The following SNCB variants were observed in gnomAD, a reference collection of about 807,000 sequenced individuals.
SNCB encodes the protein synuclein beta, also known as beta-synuclein.
In SNCB, 8 loss-of-function variants were observed where a neutral mutation model predicts 20.0. That is an observed-to-expected ratio of 0.40 (90% confidence interval 0.24 to 0.72). The LOEUF (loss-of-function observed/expected upper bound fraction) is 0.72. Ranked by LOEUF, SNCB falls within the 30% of genes least tolerant of loss-of-function variation. The pLI, the probability that SNCB is intolerant of heterozygous loss-of-function variation, is 0.37. For missense variants in SNCB, 125 were observed against 168.0 expected, an observed-to-expected ratio of 0.74 and a Z score of 1.41; for synonymous variants, 56 against 65.4, an observed-to-expected ratio of 0.86 and a Z score of 0.69.
At position 176,629,413 on chromosome 5, in the gene SNCB, C is replaced by T; in HGVS notation, c.121+121G>A. On this transcript the variant is annotated intron_variant, in intron 2 of 5. Coordinates refer to ENST00000393693, the MANE Select transcript of SNCB (RefSeq NM_003085.5). This position sits in a 1 kb window ranked among gnomAD's most constrained non-coding sequence, Gnocchi z 4.1. ...TGTCCCCTATGACCCCTGCTGACCT[C>T]GCCCCATCTGCTGACTCATATTCTC... 2.8e-6 allele frequency: 3 copies of T among 1,090,814 alleles called. No homozygotes were observed. The highest frequency in any genetic ancestry group is 2.7e-6 in the Non-Finnish European group (2 of 744,256). 67.6% of individuals were successfully genotyped at this position (1,090,814 alleles called of 1,614,324 possible).
Position 176,629,919 on chromosome 5 carries a change from C to T in SNCB, c.-9-256G>A. ...TTATCCGGGCCCTGCAAACTGCAGC[C>T]CCGTCGAACCGGAGTGCTGGGTTCG... On this transcript the variant is annotated intron_variant, in intron 1 of 5. Transcript: ENST00000393693. The surrounding 1 kb of genome is among the most constrained non-coding windows in gnomAD (Gnocchi z 4.1). 2.2e-6 allele frequency: 1 copy of T among 454,754 alleles called. No homozygotes were observed. The highest frequency in any genetic ancestry group is 3.9e-6 in the Non-Finnish European group (1 of 254,190). The allele number at this position is 454,754 out of a possible 1,614,324, so 28.2% of individuals were successfully genotyped here. A position where few individuals can be genotyped will look rare whatever the true frequency, so the allele number is the denominator to read the frequency against.
intron 2 of SNCB, among the ~76,000 whole-genome samples, chr5:176,627,769 A>G (rs1760067878): frequency 6.6e-6 from 1 of 152,230 alleles, no homozygotes; most frequent in Non-Finnish European, 1.5e-5. Flanking sequence ...CACTCCTCCC[A>G]CAAAACATCA....
At chr5:176,622,079 T>C (rs889423052) in intron 4 of SNCB, among the ~76,000 whole-genome samples, 5 of 152,196 alleles carry the variant, frequency 3.3e-5, no homozygotes, top group Non-Finnish European at 5.9e-5. Context: ...TCCCGGAGCA[T>C]TGGTGCTGGG....
rs1003798072 is a variant in SNCB, at chr5:176,629,864, C to T, written c.-9-201G>A. 45 of 654,182 alleles carry T rather than the reference C, an allele frequency of 6.9e-5. No individual in the cohort carries two copies. Among genetic ancestry groups the T allele is most frequent in the Non-Finnish European group, 1.0e-4 (43 of 418,218 alleles). The allele number at this position is 654,182 out of a possible 1,614,324, so 40.5% of individuals were successfully genotyped here. ...CGGAGAGTCCTAGCGTCCTTGAAAC[C>T]TGGGGACGCGGGAGGGGCCACTGCC... is the stretch of plus-strand genomic sequence containing the variant. On this transcript the variant is annotated intron_variant, in intron 1 of 5. Transcript: ENST00000393693. The surrounding 1 kb of genome is among the most constrained non-coding windows in gnomAD (Gnocchi z 4.1).
intron 4 of SNCB, among the ~76,000 whole-genome samples, chr5:176,623,351 C>T (rs1280919719): frequency 6.6e-6 from 1 of 152,120 alleles, no homozygotes; most frequent in Admixed American, 6.5e-5. Context: ...TGTGGCACTG[C>T]ACTCCAGCCT....
Position 176,624,072 on chromosome 5 carries a change from A to G in SNCB, c.282+2326T>C, listed in dbSNP as rs200833908. Among the ~76,000 whole-genome samples, 20 of 152,324 alleles carry G rather than the reference A, an allele frequency of 1.3e-4. No individual in the cohort carries two copies. The East Asian group carries it at 3.9e-3, about 29-fold the overall frequency. ...GGGCTGTTGTCTGTGTTATAACTCT[A>G]TGATCTTGGGCTCCCTTGGGAGGGT... On this transcript the variant is annotated intron_variant, in intron 4 of 5. Transcript: ENST00000393693.
chr5:176,625,652 G>A (rs906299938), intron 4 of SNCB, among the ~76,000 whole-genome samples: 21 of 152,128 alleles, frequency 1.4e-4, no homozygotes, highest in South Asian at 2.1e-4. Context: ...CTGTCTCCAT[G>A]CACACATGAG....
intron 4 of SNCB, among the ~76,000 whole-genome samples, chr5:176,622,303 A>G (rs1759652084): frequency 6.6e-6 from 1 of 152,108 alleles, no homozygotes; most frequent in South Asian, 2.1e-4. Context: ...TATGACCAGA[A>G]CCCAGGGATG....
chr5:176,629,455 T>A lies in SNCB; in HGVS notation c.121+79A>T. The A allele has an allele frequency of 6.7e-7, 1 of 1,498,696 alleles. No homozygotes were observed. The highest frequency in any genetic ancestry group is 9.1e-7 in the Non-Finnish European group (1 of 1,093,696). The allele number at this position is 1,498,696 out of a possible 1,614,324, so 92.8% of individuals were successfully genotyped here. On this transcript the variant is annotated intron_variant, in intron 2 of 5. Coordinates refer to ENST00000393693, the MANE Select transcript of SNCB (RefSeq NM_003085.5). The surrounding 1 kb of genome is among the most constrained non-coding windows in gnomAD (Gnocchi z 4.1). ...CATATTCTCCTGCCCAGAACCCCCC[T>A]CCCCGGGACCCGGCCCCAGCTCCAC...
At chr5:176,624,934 T>C (rs1163712492) in intron 4 of SNCB, among the ~76,000 whole-genome samples, 1 of 150,718 alleles carries the variant, frequency 6.6e-6, no homozygotes, top group Non-Finnish European at 1.5e-5. Context: ...CTGTGCAAAA[T>C]GACAGGAGTG....
At chr5:176,625,491 A>T (rs1409825863) in intron 4 of SNCB, among the ~76,000 whole-genome samples, 1 of 152,234 alleles carries the variant, frequency 6.6e-6, no homozygotes, top group Non-Finnish European at 1.5e-5. Flanking sequence ...CAAGTGAACT[A>T]TCAAGTTCAG....
At position 176,626,895 on chromosome 5, in the gene SNCB, C is replaced by T; in HGVS notation, c.122-134G>A. 1 of 887,378 alleles carries T rather than the reference C, an allele frequency of 1.1e-6. No homozygotes were observed. Among genetic ancestry groups the T allele is most frequent in the East Asian group, 2.5e-5 (1 of 40,684 alleles). 55.0% of individuals were successfully genotyped at this position (887,378 alleles called of 1,614,324 possible). ...TTGGGTCCCCACATCCTACAACCTG[C>T]ACCCCCATGTTAACCCCCGTCTTAT... is the stretch of plus-strand genomic sequence containing the variant. On this transcript the variant is annotated intron_variant, in intron 2 of 5. Transcript: ENST00000393693. The surrounding 1 kb of genome is among the most constrained non-coding windows in gnomAD (Gnocchi z 4.2).
Position 176,629,274 on chromosome 5 carries a change from G to A in SNCB, c.121+260C>T, listed in dbSNP as rs1030081190. 5.3e-5 allele frequency among the ~76,000 whole-genome samples: 8 copies of A among 152,126 alleles called. No individual in the cohort carries two copies. Among genetic ancestry groups the A allele is most frequent in the Non-Finnish European group, 1.2e-4 (8 of 68,026 alleles). On this transcript the variant is annotated intron_variant, in intron 2 of 5. Transcript: ENST00000393693. The surrounding 1 kb of genome is among the most constrained non-coding windows in gnomAD (Gnocchi z 4.1). ...TAAAAAAGATAAGAAAAAGGAGGCT[G>A]TCTGCTTTCATCACTGCACTGGTCC...
chr5:176,623,410 C>T (rs1236309317), intron 4 of SNCB, among the ~76,000 whole-genome samples: 1 of 152,130 alleles, frequency 6.6e-6, no homozygotes, highest in African/African-American at 2.4e-5. Flanking sequence ...AAAGCAGTTC[C>T]CCTTGGAGGG....
Position 176,621,091 on chromosome 5 carries a change from T to C in SNCB, c.372+123A>G. The C allele has an allele frequency of 2.3e-6, 2 of 864,322 alleles. No individual in the cohort carries two copies. The highest frequency in any genetic ancestry group is 3.8e-6 in the Non-Finnish European group (2 of 524,888). 53.5% of individuals were successfully genotyped at this position (864,322 alleles called of 1,614,324 possible). ...CTCCCACCTCCTGGGGCCTGGGTTCTAGAAGAGGGATGTCAAGCTCCCTGG... is the reference window on the plus strand; with the variant it reads ...CTCCCACCTCCTGGGGCCTGGGTTCCAGAAGAGGGATGTCAAGCTCCCTGG... On this transcript the variant is annotated intron_variant, in intron 5 of 5. Transcript: ENST00000393693. The surrounding 1 kb of genome is among the most constrained non-coding windows in gnomAD (Gnocchi z 4.1).
In SNCB at chr5:176,630,327, G is replaced by A. The variant is rs11951438; in HGVS notation, c.-57C>T. On this transcript the variant is annotated 5_prime_UTR_variant, in exon 1 of 6. Transcript: ENST00000393693. Reference sequence around the variant, plus strand: ...GGATGGAGCGGCGGCTGCGGCGGGCGGACGCGGGGGCTCCGCTAGGCCAGG... The same window carrying A: ...GGATGGAGCGGCGGCTGCGGCGGGCAGACGCGGGGGCTCCGCTAGGCCAGG... 35,528 of 152,800 alleles carry A rather than the reference G, an allele frequency of 0.23. 4,297 individuals carry two copies. The highest frequency in any genetic ancestry group is 0.31 in the Middle Eastern group (91 of 296). 9.5% of individuals were successfully genotyped at this position (152,800 alleles called of 1,614,324 possible). A position where few individuals can be genotyped will look rare whatever the true frequency, so the allele number is the denominator to read the frequency against.
chr5:176,624,069 T>G (rs1470016692), intron 4 of SNCB, among the ~76,000 whole-genome samples: 1 of 152,192 alleles, frequency 6.6e-6, no homozygotes, highest in Non-Finnish European at 1.5e-5. Context: ...GTGTTATAAC[T>G]CTATGATCTT....
At chr5:176,624,558 T>C (rs917907144) in intron 4 of SNCB, among the ~76,000 whole-genome samples, 32 of 152,248 alleles carry the variant, frequency 2.1e-4, no homozygotes, top group East Asian at 1.9e-4. Flanking sequence ...CCCAGCACTC[T>C]GGGAGGCCGA....
At position 176,627,808 on chromosome 5, in the gene SNCB, G is replaced by A. The variant is rs113996912; in HGVS notation, c.122-1047C>T. Among the ~76,000 whole-genome samples, 789 of 152,302 alleles carry A rather than the reference G, an allele frequency of 5.2e-3. 10 individuals carry two copies. The highest frequency in any genetic ancestry group is 0.018 in the African/African-American group (745 of 41,548). On this transcript the variant is annotated intron_variant, in intron 2 of 5. Transcript: ENST00000393693. ...TCCACCTACTCTGTGCCAGGCCCTG[G>A]GCCAATCGCTCACTGTCTGAAGTGG... is the stretch of plus-strand genomic sequence containing the variant.
Sources: gnomAD v4.1 joint callset for allele counts (sites outside exome capture counted in the v4.1 genomes callset) on GRCh38, gnomAD v4.1.1 for gene constraint, Gnocchi (gnomAD v3.1) non-coding constraint, MANE v1.5 for transcripts, NCBI Gene and HGNC (gene_info 2026-07-23, HGNC 2026-07-21) for gene names.